The following ANAPC7 variants were observed in gnomAD, a reference collection of about 807,000 sequenced individuals.
The protein encoded by ANAPC7 is anaphase-promoting complex subunit 7.
Under a neutral mutation model 63.3 loss-of-function variants are expected in ANAPC7, and 25 were observed. That is an observed-to-expected ratio of 0.39 (90% CI 0.29 to 0.55). The LOEUF is 0.55. Among genes scored for constraint, ANAPC7 ranks in the 20% least tolerant of loss-of-function variants. ANAPC7 has a pLI of 0.57. For missense variants in ANAPC7, 516 were observed against 691.7 expected, an observed-to-expected ratio of 0.75 and a Z score of 2.85; for synonymous variants, 241 against 251.7, an observed-to-expected ratio of 0.96 and a Z score of 0.40.
Position 110,377,236 on chromosome 12 carries a change from T to C in ANAPC7, c.1357+157A>G, listed in dbSNP as rs529772700. On this transcript the variant is annotated intron_variant, in intron 9 of 10. Transcript: ENST00000455511. ...GCAGATCTAAGCCAGCTACGTTTGG[T>C]TGGGCTAAATATAAACCAATCCAAG... 1.4e-3 allele frequency among the ~76,000 whole-genome samples: 208 copies of C among 151,904 alleles called. 9 individuals carry two copies. In the South Asian group the frequency reaches 0.04, roughly 29 times the overall value.
chr12:110,395,189 T>C lies in ANAPC7; in HGVS notation c.320A>G (p.Lys107Arg), dbSNP rs1883466859. 1 of 1,612,924 alleles carries C rather than the reference T, an allele frequency of 6.2e-7. No homozygotes were observed. The highest frequency in any genetic ancestry group is 8.5e-7 in the Non-Finnish European group (1 of 1,179,588). Residue 107 changes from lysine (K) to arginine (R), a missense_variant, in exon 3 of 11, where the codon AAA becomes AGA. Transcript: ENST00000455511. ...TAGCATTGTATAACATTCAGCCATT[T>C]TGTATTTCACTTCAATTTCAGATGG... ...CLPSEIEVKY[K>R]MAECYTMLKQ...
At chr12:110,395,001 G>A in intron 3 of ANAPC7, 100 bp downstream of exon 3, 1 of 1,379,920 alleles carries the variant, frequency 7.2e-7, no homozygotes, top group South Asian at 1.6e-5. Flanking sequence ...AGAATCATGG[G>A]TAAAATGTTC....
At chr12:110,387,931 G>A (rs757004344) in intron 4 of ANAPC7, 39 bp from the exon 5 acceptor site, 10 of 1,604,192 alleles carry the variant, frequency 6.2e-6, no homozygotes, top group Admixed American at 1.7e-5. Context: ...AGTAAGGCAC[G>A]ATATCTCTCT....
Position 110,381,795 on chromosome 12 carries a change from CCGAAA to C in ANAPC7, c.1084_1088del (p.Phe362GlyfsTer14). Reference sequence around the variant, plus strand: ...GACAAGGTGCGAGCCGTATGGCCTCCCGAAAGTGGATTATTGCTTCTTGGACTCTG... The same window carrying C: ...GACAAGGTGCGAGCCGTATGGCCTCCGTGGATTATTGCTTCTTGGACTCTG... On this transcript the variant is annotated frameshift_variant, in exon 8 of 11. Coordinates refer to ENST00000455511, the MANE Select transcript of ANAPC7 (RefSeq NM_016238.3). LOFTEE classifies it high-confidence loss of function. 1 of 1,613,906 alleles carries C rather than the reference CCGAAA, an allele frequency of 6.2e-7. No homozygotes were observed. Among genetic ancestry groups the C allele is most frequent in the Non-Finnish European group, 8.5e-7 (1 of 1,180,018 alleles).
Position 110,385,155 on chromosome 12 carries a change from T to C in ANAPC7, c.817+1172A>G, listed in dbSNP as rs185228167. 6.9e-3 allele frequency among the ~76,000 whole-genome samples: 1,047 copies of C among 152,174 alleles called. 1 individual carries two copies. The highest frequency in any genetic ancestry group is 9.4e-3 in the Non-Finnish European group (640 of 67,986). ...GGTGGCGGGCGCCTATAATCCCAGC[T>C]ACTCGGGAGGCTGAGGTGGGAGAGT... On this transcript the variant is annotated intron_variant, in intron 6 of 10. Coordinates refer to ENST00000455511, the MANE Select transcript of ANAPC7 (RefSeq NM_016238.3).
intron 6 of ANAPC7, among the ~76,000 whole-genome samples, chr12:110,386,122 A>C (rs1192868840): frequency 6.6e-6 from 1 of 152,188 alleles, no homozygotes; most frequent in Non-Finnish European, 1.5e-5. Context: ...AAGACACTTG[A>C]ATTCAAGCAA....
Position 110,383,881 on chromosome 12 carries a change from AAAAAAAAAAAAAAAAAAG to A in ANAPC7, c.818-939_818-922del, listed in dbSNP as rs1882186305. ...ACAGAGCGAGACTCCGTCTCAAAAA[AAAAAAAAAAAAAAAAAAG>A]AAAAAAAAAAGAAAAAAGAAGGGCC... On this transcript the variant is annotated intron_variant, in intron 6 of 10. Transcript: ENST00000455511. 2.3e-5 allele frequency among the ~76,000 whole-genome samples: 3 copies of A among 131,344 alleles called. No homozygotes were observed. The South Asian group carries it at 7.1e-4, about 31-fold the overall frequency. The allele number at this position is 131,344 out of a possible 152,430, so 86.2% of individuals were successfully genotyped here. A position where few individuals can be genotyped will look rare whatever the true frequency, so the allele number is the denominator to read the frequency against.
intron 1 of ANAPC7, among the ~76,000 whole-genome samples, chr12:110,400,302 A>C (rs1217583639): frequency 6.6e-6 from 1 of 152,214 alleles, no homozygotes; most frequent in South Asian, 2.1e-4. Context: ...TGACACACGA[A>C]AAAATAGTTA....
Position 110,386,521 on chromosome 12 carries a change from T to C in ANAPC7, c.675-52A>G. Reference sequence around the variant, plus strand: ...CCTTTAAATCTATTATAAATCCTCTTAGTTGCTGAATCTGGATGATTGGTC... The same window carrying C: ...CCTTTAAATCTATTATAAATCCTCTCAGTTGCTGAATCTGGATGATTGGTC... On this transcript the variant is annotated intron_variant, in intron 5 of 10. Transcript: ENST00000455511. The C allele has an allele frequency of 2.0e-6, 3 of 1,471,722 alleles. No homozygotes were observed. In the South Asian group the frequency reaches 3.7e-5, roughly 18 times the overall value. The allele number at this position is 1,471,722 out of a possible 1,614,324, so 91.2% of individuals were successfully genotyped here.
rs1172615450 is a variant in ANAPC7 at position 110,382,098 on chromosome 12, T to C, written c.936-150A>G. The C allele has an allele frequency of 1.1e-5, 9 of 792,406 alleles. No individual in the cohort carries two copies. The Admixed American group carries it at 1.4e-4, about 13-fold the overall frequency. 49.1% of individuals were successfully genotyped at this position (792,406 alleles called of 1,614,324 possible). On this transcript the variant is annotated intron_variant, in intron 7 of 10. Transcript: ENST00000455511. ...TTATAGTTTTAACCTAAGATATTAG[T>C]AGAAAAGCAAAACAAACCAAAAAAT...
intron 6 of ANAPC7, among the ~76,000 whole-genome samples, chr12:110,385,652 G>T (rs1263040220): frequency 6.6e-6 from 1 of 152,200 alleles, no homozygotes; most frequent in Non-Finnish European, 1.5e-5. Flanking sequence ...AAACGCTTGG[G>T]ATGGCCCCTT....
At position 110,387,825 on chromosome 12, in the gene ANAPC7, C is replaced by T. The variant is rs1475606985; in HGVS notation, c.588G>A (p.Val196=). ...ACACAGAGAGCCAGTCCAAGTTAGG[C>T]ACGGTTTGGATCACATTCATTGTCA... ...ASMTMNVIQT[V]PNLDWLSVWI... Residue 196 remains valine, a synonymous_variant, in exon 5 of 11, where the codon GTG becomes GTA. Transcript: ENST00000455511. The T allele has an allele frequency of 6.2e-7, 1 of 1,614,176 alleles. No homozygotes were observed. Among genetic ancestry groups the T allele is most frequent in the East Asian group, 2.2e-5 (1 of 44,886 alleles).
At chr12:110,376,027 C>A in intron 10 of ANAPC7, 39 bp downstream of exon 10, 2 of 1,585,790 alleles carry the variant, frequency 1.3e-6, no homozygotes, top group Non-Finnish European at 1.7e-6. Flanking sequence ...CTCCTCTACC[C>A]TCCTCAGTGG....
intron 1 of ANAPC7, among the ~76,000 whole-genome samples, chr12:110,402,910 A>C (rs1335482987): frequency 1.3e-5 from 2 of 151,028 alleles, no homozygotes; most frequent in Non-Finnish European, 3.0e-5. Context: ...TAATTGTTTA[A>C]TTTTTACTTT....
intron 1 of ANAPC7, among the ~76,000 whole-genome samples, chr12:110,401,064 A>G (rs1435440308): frequency 6.6e-6 from 1 of 152,176 alleles, no homozygotes; most frequent in Admixed American, 6.5e-5. Context: ...GCAAAACAAA[A>G]CAAAACACCA....
intron 8 of ANAPC7, chr12:110,378,896 T>G (rs1881557237): frequency 6.6e-6 from 1 of 151,388 alleles, no homozygotes; most frequent in African/African-American, 2.4e-5. Flanking sequence ...TCTTGCTCTG[T>G]CACCCAGGCT....
chr12:110,377,288 C>T (rs118018382), intron 9 of ANAPC7, 105 bp downstream of exon 9: 30,512 of 972,372 alleles, frequency 0.031, 628 homozygotes, highest in Middle Eastern at 0.08. Flanking sequence ...GCAAAAGGCA[C>T]ACACCTGTCT....
chr12:110,381,952 G>GACA lies in ANAPC7; in HGVS notation c.936-5_936-4insTGT. On this transcript the variant is annotated splice_polypyrimidine_tract_variant and splice_region_variant and intron_variant, in intron 7 of 10. Coordinates refer to ENST00000455511, the MANE Select transcript of ANAPC7 (RefSeq NM_016238.3). ...TTTGCTATAGAAGCTGTGACAGCTG[G>GACA]AGAAAAAAAAAAAAAAAAAAACACA... 1.8e-6 allele frequency: 1 copy of GACA among 553,010 alleles called. No individual in the cohort carries two copies. Among genetic ancestry groups the GACA allele is most frequent in the Non-Finnish European group, 2.3e-6 (1 of 427,908 alleles). The allele number at this position is 553,010 out of a possible 1,614,324, so 34.3% of individuals were successfully genotyped here. A position where few individuals can be genotyped will look rare whatever the true frequency, so the allele number is the denominator to read the frequency against.
At chr12:110,397,005 C>G (rs1462683884) in intron 1 of ANAPC7, among the ~76,000 whole-genome samples, 1 of 150,734 alleles carries the variant, frequency 6.6e-6, no homozygotes, top group Non-Finnish European at 1.5e-5. Context: ...AGATCGAGAC[C>G]ATCCTGGCTA....
Sources: gnomAD v4.1 joint callset for allele counts (sites outside exome capture counted in the v4.1 genomes callset) on GRCh38, gnomAD v4.1.1 for gene constraint, MANE v1.5 for transcripts, NCBI Gene and HGNC (gene_info 2026-07-23, HGNC 2026-07-21) for gene names.